Variants in AIG1 observed in about 807,000 individuals in gnomAD.
The protein encoded by AIG1 is androgen induced 1.
In AIG1, 23 loss-of-function variants were observed where a neutral mutation model predicts 31.4. The observed-to-expected ratio is 0.73, with a 90% CI of 0.53 to 1.04. AIG1 has a LOEUF of 1.04. AIG1 is among the 50% of genes least tolerant of loss of function. The pLI is 0.00. For synonymous variants in AIG1, 100 were observed against 110.5 expected, an observed-to-expected ratio of 0.90 and a Z score of 0.60; for missense variants, 274 against 295.0, an observed-to-expected ratio of 0.93 and a Z score of 0.52.
rs756907743 is a variant in AIG1, at chr6:143,297,304, T to C, written c.515+13079T>C. 2.0e-5 allele frequency among the ~76,000 whole-genome samples: 3 copies of C among 152,180 alleles called. No homozygotes were observed. The highest frequency in any genetic ancestry group is 2.9e-5 in the Non-Finnish European group (2 of 68,030). On this transcript the variant is annotated intron_variant, in intron 4 of 5. Transcript: ENST00000357847. This position sits in a 1 kb window ranked among gnomAD's most constrained non-coding sequence, Gnocchi z 5.1. ...TAGTCAGGGAGCCAAAGCAGTTCAG[T>C]GCACCTGGACCCATTGACATTTTGC...
At position 143,254,103 on chromosome 6, in the gene AIG1, CT is replaced by C. The variant is rs1001092042; in HGVS notation, c.400-30003del. Reference sequence around the variant, plus strand: ...CCTTTTCAAAGTGGTGGGTTCCTGCCTTTTGTGGGTCTGTTGGAGTACACAG... The same window carrying C: ...CCTTTTCAAAGTGGTGGGTTCCTGCCTTTGTGGGTCTGTTGGAGTACACAG... On this transcript the variant is annotated intron_variant, in intron 3 of 5. Transcript: ENST00000357847. Among the ~76,000 whole-genome samples, 26 of 152,132 alleles carry C rather than the reference CT, an allele frequency of 1.7e-4. 1 individual carries two copies. The highest frequency in any genetic ancestry group is 6.5e-5 in the Admixed American group (1 of 15,272).
intron 1 of AIG1, among the ~76,000 whole-genome samples, chr6:143,100,770 A>G (rs182099869): frequency 5.9e-5 from 9 of 151,534 alleles, no homozygotes; most frequent in Non-Finnish European, 1.0e-4. Context: ...ACTGCAACCT[A>G]TGCCTCCAGG....
rs1228588327 is a variant in AIG1 at position 143,268,875 on chromosome 6, A to C, written c.400-15235A>C. On this transcript the variant is annotated intron_variant, in intron 3 of 5. Coordinates refer to ENST00000357847, the MANE Select transcript of AIG1 (RefSeq NM_016108.4). The surrounding 1 kb of genome is among the most constrained non-coding windows in gnomAD (Gnocchi z 5.0). ...CCCTCTGCTCTAAGCCCTCTCCAGA[A>C]CTGCCCTTATGTGAAGACAGCAGCC... Among the ~76,000 whole-genome samples the C allele has an allele frequency of 2.0e-5, 3 of 152,168 alleles. No individual in the cohort carries two copies. The highest frequency in any genetic ancestry group is 4.4e-5 in the Non-Finnish European group (3 of 68,026).
intron 2 of AIG1, among the ~76,000 whole-genome samples, chr6:143,148,155 G>A (rs1359193270): frequency 6.6e-6 from 1 of 151,924 alleles, no homozygotes; most frequent in Non-Finnish European, 1.5e-5. Context: ...GTATAATGAC[G>A]TTTTCATCAG....
chr6:143,230,640 AT>A (rs1414387745), intron 3 of AIG1, among the ~76,000 whole-genome samples: 2 of 151,212 alleles, frequency 1.3e-5, no homozygotes, highest in African/African-American at 4.8e-5. Context: ...ATATCATTAT[AT>A]TTTTGCATTT....
At chr6:143,213,102 G>A (rs985450652) in intron 3 of AIG1, among the ~76,000 whole-genome samples, 2 of 152,152 alleles carry the variant, frequency 1.3e-5, no homozygotes, top group African/African-American at 4.8e-5. Context: ...CTTAGCGCTT[G>A]TGTTTTCTTT....
intron 1 of AIG1, chr6:143,126,235 G>A (rs896822876): frequency 6.6e-6 from 1 of 152,248 alleles, no homozygotes; most frequent in African/African-American, 2.4e-5. Flanking sequence ...GAGAGAGCCT[G>A]TGGTTCTTTT....
chr6:143,175,622 C>T (rs992604650), intron 3 of AIG1, among the ~76,000 whole-genome samples: 1 of 152,130 alleles, frequency 6.6e-6, no homozygotes, highest in Non-Finnish European at 1.5e-5. Context: ...GTGCATTTTG[C>T]ATTTCTCTAA....
chr6:143,316,437 T>G (rs758476234), intron 4 of AIG1, among the ~76,000 whole-genome samples: 1 of 152,076 alleles, frequency 6.6e-6, no homozygotes, highest in Non-Finnish European at 1.5e-5. Context: ...CCCTTCTAGC[T>G]TGTAAGGTTT....
chr6:143,171,472 T>C (rs1219690919), intron 3 of AIG1, among the ~76,000 whole-genome samples: 1 of 119,540 alleles, frequency 8.4e-6, no homozygotes, highest in Non-Finnish European at 1.6e-5. Flanking sequence ...ATATTTAATA[T>C]ATATAATATA....
intron 1 of AIG1, among the ~76,000 whole-genome samples, chr6:143,097,100 TAGAA>T (rs566978274): frequency 1.3e-5 from 2 of 151,978 alleles, no homozygotes; most frequent in Non-Finnish European, 2.9e-5. Flanking sequence ...TAGGCACAAA[TAGAA>T]AGGGAATAGC....
intron 3 of AIG1, among the ~76,000 whole-genome samples, chr6:143,207,664 A>C (rs1048353359): frequency 3.3e-5 from 5 of 152,156 alleles, no homozygotes; most frequent in African/African-American, 1.2e-4. Flanking sequence ...CAGGCAACTC[A>C]CATTCTTGGT....
At chr6:143,152,413 T>G (rs1170816812) in intron 2 of AIG1, among the ~76,000 whole-genome samples, 2 of 152,214 alleles carry the variant, frequency 1.3e-5, no homozygotes, top group African/African-American at 4.8e-5. Flanking sequence ...AGAGTTTGAT[T>G]ATTCAGTGAT....
intron 1 of AIG1, among the ~76,000 whole-genome samples, chr6:143,105,411 G>T (rs1463640159): frequency 6.6e-6 from 1 of 152,212 alleles, no homozygotes. Context: ...GAAATCTGTT[G>T]TGCATTGTAA....
chr6:143,264,670 A>C (rs1796031473), intron 3 of AIG1, among the ~76,000 whole-genome samples: 1 of 152,224 alleles, frequency 6.6e-6, no homozygotes. Flanking sequence ...AGAATCTCAC[A>C]ACAGCTGGTC....
intron 3 of AIG1, among the ~76,000 whole-genome samples, chr6:143,184,554 C>A (rs1789048218): frequency 6.6e-6 from 1 of 152,206 alleles, no homozygotes; most frequent in South Asian, 2.1e-4. Context: ...CCTATCACAT[C>A]CCCCACAGTT....
At chr6:143,131,227 C>A (rs1783206975) in intron 1 of AIG1, among the ~76,000 whole-genome samples, 1 of 152,096 alleles carries the variant, frequency 6.6e-6, no homozygotes, top group South Asian at 2.1e-4. Context: ...TTTATTCTTT[C>A]TTCCTTTCCC....
chr6:143,079,197 T>C (rs1335548635), intron 1 of AIG1, among the ~76,000 whole-genome samples: 1 of 152,136 alleles, frequency 6.6e-6, no homozygotes, highest in Non-Finnish European at 1.5e-5. Context: ...TGGATTTTTC[T>C]TGGGGTTTTA....
intron 3 of AIG1, among the ~76,000 whole-genome samples, chr6:143,220,246 T>A (rs962283740): frequency 2.0e-5 from 3 of 152,178 alleles, no homozygotes; most frequent in Non-Finnish European, 4.4e-5. Flanking sequence ...ACCCTGGACG[T>A]CCTGTTTTAT....
Sources: gnomAD v4.1 joint callset for allele counts (sites outside exome capture counted in the v4.1 genomes callset) on GRCh38, gnomAD v4.1.1 for gene constraint, Gnocchi (gnomAD v3.1) non-coding constraint, MANE v1.5 for transcripts, NCBI Gene and HGNC (gene_info 2026-07-23, HGNC 2026-07-21) for gene names.